SPACA1: variants seen among roughly 807,000 people sequenced by gnomAD.
SPACA1 encodes sperm acrosome associated 1.
Under a neutral mutation model 32.6 loss-of-function variants are expected in SPACA1, and 17 were observed. That is an observed-to-expected ratio of 0.52 (90% CI 0.36 to 0.78). The LOEUF (loss-of-function observed/expected upper bound fraction) is 0.78. SPACA1 is among the 30% of genes least tolerant of loss of function. The pLI, the probability that SPACA1 is intolerant of heterozygous loss-of-function variation, is 0.01. For missense variants in SPACA1, 363 were observed against 373.4 expected, an observed-to-expected ratio of 0.97 and a Z score of 0.23; for synonymous variants, 140 against 138.1, an observed-to-expected ratio of 1.01 and a Z score of -0.10.
chr6:88,064,240 A>C, intron 6 of SPACA1, 21 bp downstream of exon 6: 1 of 1,601,964 alleles, frequency 6.2e-7, no homozygotes, highest in Non-Finnish European at 8.5e-7. Flanking sequence ...AGTGGAATGC[A>C]TCATCACCCT....
In SPACA1 at chr6:88,055,969, A is replaced by AAAAAC. The variant is rs376551692; in HGVS notation, c.266-1629_266-1625dup. ...TGGCGACAAAGCGAGACTCCATCTC[A>AAAAAC]AAAACAAAACAAAACAAACAACAAC... is the stretch of plus-strand genomic sequence containing the variant. On this transcript the variant is annotated intron_variant, in intron 2 of 6. Transcript: ENST00000237201. Among the ~76,000 whole-genome samples the AAAAAC allele has an allele frequency of 2.9e-3, 448 of 152,150 alleles. 1 individual carries two copies. The highest frequency in any genetic ancestry group is 0.01 in the African/African-American group (419 of 41,510).
chr6:88,050,566 CA>C (rs1167567819), intron 1 of SPACA1, among the ~76,000 whole-genome samples: 1 of 152,160 alleles, frequency 6.6e-6, no homozygotes, highest in African/African-American at 2.4e-5. Flanking sequence ...CAACTGTGTT[CA>C]ATAAAAGCCA....
At chr6:88,058,463 C>T (rs1775842445) in intron 3 of SPACA1, among the ~76,000 whole-genome samples, 1 of 152,064 alleles carries the variant, frequency 6.6e-6, no homozygotes, top group African/African-American at 2.4e-5. Flanking sequence ...ATGGTGAAAC[C>T]TCCATCTCTA....
intron 2 of SPACA1, among the ~76,000 whole-genome samples, chr6:88,056,225 G>A (rs1023657870): frequency 3.3e-5 from 5 of 151,330 alleles, no homozygotes; most frequent in Non-Finnish European, 4.4e-5. Context: ...GTAGTGGCAC[G>A]CGCCTGTAAT....
intron 1 of SPACA1, among the ~76,000 whole-genome samples, chr6:88,050,514 C>T (rs778639480): frequency 6.6e-6 from 1 of 152,160 alleles, no homozygotes; most frequent in Non-Finnish European, 1.5e-5. Context: ...CAGTTTTCTT[C>T]TCTTTGCCAT....
At position 88,051,007 on chromosome 6, in the gene SPACA1, C is replaced by T. The variant is rs186733499; in HGVS notation, c.208+2894C>T. Among the ~76,000 whole-genome samples, 182 of 152,070 alleles carry T rather than the reference C, an allele frequency of 1.2e-3. 1 individual carries two copies. The highest frequency in any genetic ancestry group is 4.1e-3 in the African/African-American group (172 of 41,472). On this transcript the variant is annotated intron_variant, in intron 1 of 6. Coordinates refer to ENST00000237201, the MANE Select transcript of SPACA1 (RefSeq NM_030960.3). ...CTAAAAATACAAAAAATTAGCCGGG[C>T]GTGGTTGCGTGTGCCTGTAGTTCCA...
chr6:88,047,014 C>T (rs1340903682), upstream of SPACA1, among the ~76,000 whole-genome samples: 1 of 152,112 alleles, frequency 6.6e-6, no homozygotes, highest in Admixed American at 6.5e-5. Flanking sequence ...CCCTATATGT[C>T]TTTTCAAAAA....
chr6:88,060,080 T>C (rs1254615919), intron 5 of SPACA1, among the ~76,000 whole-genome samples: 1 of 152,226 alleles, frequency 6.6e-6, no homozygotes, highest in Admixed American at 6.5e-5. Flanking sequence ...TTGAAACAAA[T>C]GTTTTTTGAT....
At chr6:88,063,848 A>G (rs1775934417) in intron 5 of SPACA1, among the ~76,000 whole-genome samples, 1 of 152,218 alleles carries the variant, frequency 6.6e-6, no homozygotes, top group African/African-American at 2.4e-5. Flanking sequence ...GAATGGATAG[A>G]TGAATTTTAA....
At position 88,066,405 on chromosome 6, in the gene SPACA1, A is replaced by G. The variant is rs1775986723; in HGVS notation, c.*70A>G. On this transcript the variant is annotated 3_prime_UTR_variant, in exon 7 of 7. Coordinates refer to ENST00000237201, the MANE Select transcript of SPACA1 (RefSeq NM_030960.3). ...AGATTCATTATTACAAAAATAAAATACACATTGAAATACTTTAATAATGTT... is the reference window on the plus strand; with the variant it reads ...AGATTCATTATTACAAAAATAAAATGCACATTGAAATACTTTAATAATGTT... 7.3e-7 allele frequency: 1 copy of G among 1,378,246 alleles called. No homozygotes were observed. The highest frequency in any genetic ancestry group is 9.7e-7 in the Non-Finnish European group (1 of 1,029,628). The allele number at this position is 1,378,246 out of a possible 1,614,324, so 85.4% of individuals were successfully genotyped here. A position where few individuals can be genotyped will look rare whatever the true frequency, so the allele number is the denominator to read the frequency against.
At chr6:88,054,194 ATC>A (rs1775772519) in intron 2 of SPACA1, among the ~76,000 whole-genome samples, 192 bp downstream of exon 2, 1 of 149,732 alleles carries the variant, frequency 6.7e-6, no homozygotes, top group Non-Finnish European at 1.5e-5. Flanking sequence ...TCAGTTTATA[ATC>A]TCTAAATCTT....
chr6:88,059,375 C>G, intron 4 of SPACA1, 78 bp from the exon 5 acceptor site: 1 of 1,300,592 alleles, frequency 7.7e-7, no homozygotes, highest in Non-Finnish European at 1.0e-6. Flanking sequence ...CCCTCCTTTC[C>G]TTAAGGGAAA....
At chr6:88,056,296 G>C (rs190522377) in intron 2 of SPACA1, among the ~76,000 whole-genome samples, 171 of 152,262 alleles carry the variant, frequency 1.1e-3, no homozygotes, top group Non-Finnish European at 1.9e-3. Context: ...GGAGGTTGCA[G>C]TGAGCTGAGA....
chr6:88,056,812 T>C (rs1443169940), intron 2 of SPACA1, among the ~76,000 whole-genome samples: 1 of 152,180 alleles, frequency 6.6e-6, no homozygotes, highest in Non-Finnish European at 1.5e-5. Flanking sequence ...CTCTCAATTG[T>C]GGTGATGTGA....
chr6:88,054,101 T>G (rs1775770743), intron 2 of SPACA1, 99 bp downstream of exon 2: 2 of 955,346 alleles, frequency 2.1e-6, no homozygotes, highest in Non-Finnish European at 3.2e-6. Flanking sequence ...TGTACTTTCA[T>G]GCATCTCTCA....
At chr6:88,047,110 G>A (rs1470066218), upstream of SPACA1, among the ~76,000 whole-genome samples, 3 of 152,160 alleles carry the variant, frequency 2.0e-5, no homozygotes, top group South Asian at 2.1e-4. Context: ...ACTTTTCAGC[G>A]CTTGAACTCC....
chr6:88,047,962 G>A lies in SPACA1; in HGVS notation c.57G>A (p.Leu19=). 2 of 1,570,386 alleles carry A rather than the reference G, an allele frequency of 1.3e-6. No homozygotes were observed. Among genetic ancestry groups the A allele is most frequent in the Non-Finnish European group, 1.7e-6 (2 of 1,158,970 alleles). Residue 19 remains leucine (L), a synonymous_variant, in exon 1 of 7, where the codon CTG becomes CTA. Coordinates refer to ENST00000237201, the MANE Select transcript of SPACA1 (RefSeq NM_030960.3). The part of the protein sequence containing the change: ...SAGLLMTVGW[L]LLAGLQSARG... ...GGCTGCTGATGACTGTCGGCTGGCTGCTTCTGGCGGGCCTCCAGTCCGCGC... is the reference window on the plus strand; with the variant it reads ...GGCTGCTGATGACTGTCGGCTGGCTACTTCTGGCGGGCCTCCAGTCCGCGC...
intron 2 of SPACA1, among the ~76,000 whole-genome samples, chr6:88,054,435 A>T (rs1562478559): frequency 6.6e-6 from 1 of 152,148 alleles, no homozygotes; most frequent in Non-Finnish European, 1.5e-5. Flanking sequence ...TGGAGAAAAG[A>T]TGTATTGGCT....
chr6:88,058,952 T>G (rs1034680106), intron 4 of SPACA1, 130 bp downstream of exon 4: 9 of 575,816 alleles, frequency 1.6e-5, no homozygotes, highest in Non-Finnish European at 2.6e-5. Flanking sequence ...ATTATACAAC[T>G]TTATTATTTT....
Sources: gnomAD v4.1 joint callset for allele counts (sites outside exome capture counted in the v4.1 genomes callset) on GRCh38, gnomAD v4.1.1 for gene constraint, MANE v1.5 for transcripts, NCBI Gene and HGNC (gene_info 2026-07-23, HGNC 2026-07-21) for gene names.